Variants in LARP4B observed in about 807,000 individuals in gnomAD.
LARP4B encodes the protein La ribonucleoprotein 4B, also known as la-related protein 4B.
Under a neutral mutation model 89.8 loss-of-function variants are expected in LARP4B, and 12 were observed. That is an observed-to-expected ratio of 0.13 (90% confidence interval 0.09 to 0.22). The LOEUF (loss-of-function observed/expected upper bound fraction) is 0.22. LARP4B is among the 10% of genes least tolerant of loss of function. The pLI, the probability that LARP4B is intolerant of heterozygous loss-of-function variation, is 1.00. For missense variants in LARP4B, 757 were observed against 947.7 expected, an observed-to-expected ratio of 0.80 and a Z score of 2.64; for synonymous variants, 367 against 363.3, an observed-to-expected ratio of 1.01 and a Z score of -0.12.
intron 1 of LARP4B, among the ~76,000 whole-genome samples, chr10:890,517 A>G (rs1835983441): frequency 6.6e-6 from 1 of 152,212 alleles, no homozygotes; most frequent in Non-Finnish European, 1.5e-5. Flanking sequence ...AAATAAATAT[A>G]TTAAGTACTA....
chr10:849,205 C>A (rs192809890), intron 5 of LARP4B, among the ~76,000 whole-genome samples: 1 of 152,232 alleles, frequency 6.6e-6, no homozygotes, highest in African/African-American at 2.4e-5. Flanking sequence ...ACACATGGGA[C>A]AAAAAGAAAC....
At chr10:904,581 TAAAATA>T (rs1474267547) in intron 1 of LARP4B, among the ~76,000 whole-genome samples, 3 of 151,158 alleles carry the variant, frequency 2.0e-5, no homozygotes, top group Non-Finnish European at 4.4e-5. Context: ...AAAATAAAAA[TAAAATA>T]AAAATAAATA....
upstream of LARP4B, among the ~76,000 whole-genome samples, chr10:935,476 C>T (rs1159919871): frequency 6.6e-6 from 1 of 151,928 alleles, no homozygotes; most frequent in Non-Finnish European, 1.5e-5. Context: ...GTTGATTTTC[C>T]TTCTGGGCCC....
the LARP4B span, among the ~76,000 whole-genome samples, chr10:982,491 T>C: frequency 1.3e-5 from 2 of 152,234 alleles, no homozygotes; most frequent in Non-Finnish European, 1.5e-5. Flanking sequence ...AAAGAGCAAA[T>C]TGTGATGAGT....
intron 9 of LARP4B, 56 bp from the exon 10 acceptor site, chr10:829,790 A>G: frequency 8.1e-7 from 1 of 1,227,844 alleles, no homozygotes; most frequent in Non-Finnish European, 1.2e-6. Context: ...AATAAGAGGC[A>G]CCAATAGTTC....
At chr10:930,218 G>A (rs896568905) in intron 1 of LARP4B, among the ~76,000 whole-genome samples, 9 of 151,920 alleles carry the variant, frequency 5.9e-5, no homozygotes, top group African/African-American at 2.2e-4. Context: ...CTGAAACTAA[G>A]AGAAAAAAAC....
chr10:833,249 TAAAAAAAAAAAAAAAAA>T (rs56788542), intron 8 of LARP4B, among the ~76,000 whole-genome samples: 57 of 52,052 alleles, frequency 1.1e-3, no homozygotes, highest in Admixed American at 2.2e-3. Context: ...TGATGAGCTT[TAAAAAAAAAAAAAAAAA>T]AAAAAAAAAA....
At chr10:919,503 A>C (rs2132042914) in intron 1 of LARP4B, among the ~76,000 whole-genome samples, 1 of 152,074 alleles carries the variant, frequency 6.6e-6, no homozygotes, top group Non-Finnish European at 1.5e-5. Context: ...TGGGGGGAAA[A>C]AAGGGAGGGG....
At chr10:970,189 C>G in the LARP4B span, among the ~76,000 whole-genome samples, 1 of 152,220 alleles carries the variant, frequency 6.6e-6, no homozygotes, top group Admixed American at 6.5e-5. Context: ...GATTCGATGA[C>G]TATACATTTA....
intron 3 of LARP4B, among the ~76,000 whole-genome samples, chr10:870,583 C>T (rs190551724): frequency 1.5e-3 from 226 of 152,318 alleles, no homozygotes; most frequent in African/African-American, 5.1e-3. Context: ...CATTTAAAGT[C>T]GACTGTGTAA....
At chr10:824,529 CT>C (rs1019321218) in intron 13 of LARP4B, among the ~76,000 whole-genome samples, 2 of 151,948 alleles carry the variant, frequency 1.3e-5, no homozygotes, top group Non-Finnish European at 2.9e-5. Context: ...AAACAAAAAC[CT>C]ACTACAGGAT....
intron 3 of LARP4B, 93 bp downstream of exon 3, chr10:884,354 A>C: frequency 1.1e-6 from 1 of 920,128 alleles, no homozygotes; most frequent in Non-Finnish European, 1.8e-6. Flanking sequence ...TACATTTTCT[A>C]ATTTTTGTTA....
chr10:913,992 C>G (rs539046758), intron 1 of LARP4B, among the ~76,000 whole-genome samples: 13 of 152,092 alleles, frequency 8.5e-5, no homozygotes, highest in African/African-American at 2.2e-4. Flanking sequence ...TTTCACAAAC[C>G]CTTTTCAAAA....
At chr10:985,599 T>C in the LARP4B span, 31 of 152,332 alleles carry the variant, frequency 2.0e-4, no homozygotes, top group African/African-American at 2.6e-4. Context: ...TCTCATGCCA[T>C]TGCTGCCTTC....
the LARP4B span, among the ~76,000 whole-genome samples, chr10:958,792 A>C: frequency 0.028 from 4,221 of 152,336 alleles, 174 homozygotes; most frequent in African/African-American, 0.094. Context: ...GACAACGTTC[A>C]TGGGGGTCCA....
chr10:864,188 G>A lies in LARP4B; in HGVS notation c.224C>T (p.Ala75Val). The A allele has an allele frequency of 6.2e-7, 1 of 1,614,234 alleles. No homozygotes were observed. The highest frequency in any genetic ancestry group is 8.5e-7 in the Non-Finnish European group (1 of 1,180,046). The change falls in exon 4 of 18, where the codon GCT (alanine) becomes GTT (valine). Residue 75 changes from alanine (A) to valine (V), a missense_variant. By Grantham distance (64) the Ala-to-Val change is moderately conservative. Around this residue, in one of 5 missense-constraint regions of LARP4B, gnomAD observed 175 missense variants for 187.0 expected, o/e 0.94. Coordinates refer to ENST00000316157, the MANE Select transcript of LARP4B (RefSeq NM_015155.3). The stretch of plus-strand genomic sequence containing the variant: ...CCATGCAGCACTCACACCGTCAGCA[G>A]CACTGCTTGCTTCCAGATGTAACAC... ...APVLHLEASS[A>V]ADGVSAAWEE...
At chr10:824,037 G>A (rs951094406) in intron 13 of LARP4B, among the ~76,000 whole-genome samples, 1 of 152,238 alleles carries the variant, frequency 6.6e-6, no homozygotes, top group Non-Finnish European at 1.5e-5. Context: ...GGTGTGCACT[G>A]TGGCAGGCAG....
intron 1 of LARP4B, among the ~76,000 whole-genome samples, chr10:893,788 A>G (rs1352230366): frequency 6.6e-6 from 1 of 152,192 alleles, no homozygotes; most frequent in Non-Finnish European, 1.5e-5. Flanking sequence ...GGGATTCCCA[A>G]TAGCCATGCA....
chr10:949,499 C>T, the LARP4B span, among the ~76,000 whole-genome samples: 6 of 151,998 alleles, frequency 3.9e-5, no homozygotes, highest in East Asian at 1.9e-4. Flanking sequence ...TTACATCCCA[C>T]GAGCCCCAGG....
Sources: allele counts gnomAD v4.1 joint callset (sites outside exome capture counted in the v4.1 genomes callset), GRCh38; gene constraint gnomAD v4.1.1; regional missense constraint gnomAD v4.1.1; transcripts MANE v1.5; gene names NCBI Gene and HGNC (gene_info 2026-07-23, HGNC 2026-07-21).